Variants in TLE1 observed in about 807,000 individuals in gnomAD.
TLE1 encodes the protein transducin-like enhancer protein 1.
A neutral mutation model predicts 89.8 loss-of-function variants in TLE1; 21 were observed. That is an observed-to-expected ratio of 0.23 (90% CI 0.17 to 0.34). TLE1 has a LOEUF of 0.34. Ranked by LOEUF, TLE1 falls within the 10% of genes least tolerant of loss-of-function variation. The pLI is 1.00. For synonymous variants in TLE1, 447 were observed against 407.6 expected (o/e 1.10, Z -1.16); for missense variants, 795 against 1,031.2 (o/e 0.77, Z 3.14).
intron 4 of TLE1, among the ~76,000 whole-genome samples, chr9:81,669,209 A>G (rs1831887822): frequency 6.6e-6 from 1 of 152,250 alleles, no homozygotes; most frequent in Admixed American, 6.5e-5. Context: ...TTACTGAATC[A>G]TTTGAGATGA....
chr9:81,687,249 AAGTAC>A, intron 2 of TLE1, 80 bp downstream of exon 2: 3 of 1,125,340 alleles, frequency 2.7e-6, no homozygotes, highest in Non-Finnish European at 3.9e-6. Context: ...CGCAAGAACT[AAGTAC>A]AGGCGCCGCC....
At chr9:81,652,141 A>ACACACACAC in intron 6 of TLE1, 73 bp downstream of exon 6, 1 of 1,440,822 alleles carries the variant, frequency 6.9e-7, no homozygotes, top group Non-Finnish European at 9.7e-7. Context: ...ACACACACGT[A>ACACACACAC]AAGCCATCAA....
At chr9:81,599,530 T>C (rs1490183614) in intron 14 of TLE1, among the ~76,000 whole-genome samples, 4 of 152,148 alleles carry the variant, frequency 2.6e-5, no homozygotes, top group African/African-American at 9.7e-5. Flanking sequence ...ACTCTTAGCC[T>C]GAAAACTAAT....
intron 14 of TLE1, among the ~76,000 whole-genome samples, chr9:81,606,797 A>T (rs1000457474): frequency 6.6e-6 from 1 of 150,430 alleles, no homozygotes; most frequent in Non-Finnish European, 1.5e-5. Flanking sequence ...CCATATATAT[A>T]TATATAGAGA....
chr9:81,687,589 G>A (rs1834474253), intron 1 of TLE1, among the ~76,000 whole-genome samples, 155 bp from the exon 2 acceptor site: 1 of 152,208 alleles, frequency 6.6e-6, no homozygotes, highest in Non-Finnish European at 1.5e-5. Context: ...TCACTATGGG[G>A]AGGGGGAAAG....
At chr9:81,666,922 A>T (rs1367600009) in intron 4 of TLE1, among the ~76,000 whole-genome samples, 2 of 152,224 alleles carry the variant, frequency 1.3e-5, no homozygotes, top group African/African-American at 2.4e-5. Context: ...GTTCAAGACC[A>T]GCCTGGGCAA....
At position 81,599,470 on chromosome 9, in the gene TLE1, G is replaced by A. The variant is rs1444415042; in HGVS notation, c.1332-6196C>T. 2.6e-5 allele frequency among the ~76,000 whole-genome samples: 4 copies of A among 152,212 alleles called. No homozygotes were observed. The East Asian group carries it at 7.7e-4, about 29-fold the overall frequency. On this transcript the variant is annotated intron_variant, in intron 14 of 19. Transcript: ENST00000376499. ...GTGACTGTGGGGGCTGGGGGAACCGGGCTCCTTATGGAATGGATGAGAATA... is the reference window on the plus strand; with the variant it reads ...GTGACTGTGGGGGCTGGGGGAACCGAGCTCCTTATGGAATGGATGAGAATA...
At chr9:81,629,668 T>C (rs1826329896) in intron 8 of TLE1, among the ~76,000 whole-genome samples, 1 of 152,244 alleles carries the variant, frequency 6.6e-6, no homozygotes, top group South Asian at 2.1e-4. Context: ...CTGGGTGGTA[T>C]AGCCTACTAC....
chr9:81,642,776 A>G (rs1246941325), intron 6 of TLE1, among the ~76,000 whole-genome samples: 6 of 152,194 alleles, frequency 3.9e-5, no homozygotes, highest in African/African-American at 1.2e-4. Context: ...TACATCTGCA[A>G]TCCATGACCA....
At chr9:81,653,885 T>C in intron 5 of TLE1, 89 bp downstream of exon 5, 1 of 1,227,612 alleles carries the variant, frequency 8.1e-7, no homozygotes, top group Non-Finnish European at 1.2e-6. Flanking sequence ...CACTTGTTCC[T>C]TGTGATAAAA....
At chr9:81,664,891 T>A (rs1478829545) in intron 4 of TLE1, among the ~76,000 whole-genome samples, 1 of 152,128 alleles carries the variant, frequency 6.6e-6, no homozygotes, top group Non-Finnish European at 1.5e-5. Context: ...TCTAACAAGT[T>A]CCCAGGTGAC....
chr9:81,639,651 C>T (rs1170436771), intron 6 of TLE1, among the ~76,000 whole-genome samples: 4 of 142,806 alleles, frequency 2.8e-5, no homozygotes, highest in South Asian at 2.3e-4. Context: ...GGTGCAATCT[C>T]GGCTCACTGC....
chr9:81,653,767 A>T lies in TLE1; in HGVS notation c.297+207T>A, dbSNP rs78730461. The stretch of plus-strand genomic sequence containing the variant: ...TTTGCAGTTTTCCACAGGAAAAAAA[A>T]TTAATTTGGGGGTTGAGCTATTGTC... On this transcript the variant is annotated intron_variant, in intron 5 of 19. Transcript: ENST00000376499. 2.5e-3 allele frequency among the ~76,000 whole-genome samples: 384 copies of T among 152,322 alleles called. 3 individuals are homozygous for T. Among genetic ancestry groups the T allele is most frequent in the African/African-American group, 8.7e-3 (362 of 41,564 alleles).
At chr9:81,604,821 C>T (rs1437607218) in intron 14 of TLE1, among the ~76,000 whole-genome samples, 1 of 152,162 alleles carries the variant, frequency 6.6e-6, no homozygotes, top group African/African-American at 2.4e-5. Context: ...GACTGTGCCT[C>T]CCCGGTTCCA....
At chr9:81,658,196 GC>G (rs1306409488) in intron 4 of TLE1, among the ~76,000 whole-genome samples, 1 of 151,950 alleles carries the variant, frequency 6.6e-6, no homozygotes, top group Admixed American at 6.6e-5. Flanking sequence ...TATAATCCTA[GC>G]ATGAGCCACT....
chr9:81,655,114 C>T (rs1354770666), intron 4 of TLE1, among the ~76,000 whole-genome samples: 1 of 151,996 alleles, frequency 6.6e-6, no homozygotes, highest in East Asian at 1.9e-4. Flanking sequence ...GCCTGTAATC[C>T]CAGCACTTTC....
intron 4 of TLE1, among the ~76,000 whole-genome samples, chr9:81,679,968 GATTT>G (rs1833395254): frequency 1.3e-5 from 2 of 152,136 alleles, no homozygotes; most frequent in African/African-American, 2.4e-5. Context: ...CACTCAAGAT[GATTT>G]ATTTAAATAT....
At chr9:81,592,955 CCA>C in intron 15 of TLE1, 68 bp downstream of exon 15, 1 of 1,554,476 alleles carries the variant, frequency 6.4e-7, no homozygotes, top group African/African-American at 1.4e-5. Context: ...AAACCCAGGC[CCA>C]CACAGCTATT....
intron 4 of TLE1, among the ~76,000 whole-genome samples, chr9:81,682,709 C>T (rs1833780726): frequency 6.6e-6 from 1 of 152,028 alleles, no homozygotes; most frequent in African/African-American, 2.4e-5. Flanking sequence ...TTTAATGCAC[C>T]CTAACACTCT....
Sources: allele counts gnomAD v4.1 joint callset (sites outside exome capture counted in the v4.1 genomes callset), GRCh38; gene constraint gnomAD v4.1.1; transcripts MANE v1.5; gene names NCBI Gene and HGNC (gene_info 2026-07-23, HGNC 2026-07-21).